Variants in DNAJB6 observed in about 807,000 individuals in gnomAD.
The protein encoded by DNAJB6 is DnaJ heat shock protein family (Hsp40) member B6.
Under a neutral mutation model 42.7 loss-of-function variants are expected in DNAJB6, and 16 were observed. The ratio of observed to expected loss-of-function variants is 0.37; its 90% confidence interval spans 0.25 to 0.57. The LOEUF (loss-of-function observed/expected upper bound fraction) is 0.57. Among genes scored for constraint, DNAJB6 ranks in the 20% least tolerant of loss-of-function variants. The pLI is 0.74. For missense variants in DNAJB6, 347 were observed against 416.8 expected, an observed-to-expected ratio of 0.83 and a Z score of 1.46; for synonymous variants, 170 against 163.5, an observed-to-expected ratio of 1.04 and a Z score of -0.30.
chr7:157,405,033 C>A (rs1242374904), intron 8 of DNAJB6, among the ~76,000 whole-genome samples: 1 of 152,224 alleles, frequency 6.6e-6, no homozygotes, highest in Admixed American at 6.5e-5. Context: ...CTGATGGAAT[C>A]CTCAGAACTG....
intron 1 of DNAJB6, among the ~76,000 whole-genome samples, chr7:157,352,294 ACTCTG>A (rs1799026177): frequency 6.6e-6 from 1 of 151,386 alleles, no homozygotes; most frequent in African/African-American, 2.4e-5. Flanking sequence ...GTGCTACTCT[ACTCTG>A]GCGACAGAGC....
chr7:157,340,997 T>TGCGCGTGTGCGC lies in DNAJB6; in HGVS notation c.-27+3858_-27+3859insTGTGCGCGCGCG, dbSNP rs1554450154. 5.3e-3 allele frequency among the ~76,000 whole-genome samples: 623 copies of TGCGCGTGTGCGC among 118,398 alleles called. 4 individuals carry two copies. Among genetic ancestry groups the TGCGCGTGTGCGC allele is most frequent in the African/African-American group, 0.017 (609 of 35,276 alleles). 77.7% of individuals were successfully genotyped at this position (118,398 alleles called of 152,430 possible). ...GTGTGTGTGTGTGTGTGTGTGTGTG[T>TGCGCGTGTGCGC]GCGCGCGCGCAGGTGGAATCACCCT... On this transcript the variant is annotated intron_variant, in intron 1 of 9. Transcript: ENST00000262177.
At chr7:157,379,419 G>A (rs976337236) in intron 5 of DNAJB6, 3 of 152,194 alleles carry the variant, frequency 2.0e-5, no homozygotes, top group Non-Finnish European at 4.4e-5. Context: ...TTGGCTTAGG[G>A]ACTCAGGTAT....
intron 2 of DNAJB6, among the ~76,000 whole-genome samples, chr7:157,362,894 T>TG (rs1371035869): frequency 6.6e-6 from 1 of 152,182 alleles, no homozygotes; most frequent in East Asian, 1.9e-4. Context: ...ACTGTAGCCT[T>TG]GAACTCCTGG....
chr7:157,406,837 CG>C (rs1268080661), intron 8 of DNAJB6, among the ~76,000 whole-genome samples: 19 of 152,214 alleles, frequency 1.2e-4, no homozygotes, highest in Non-Finnish European at 2.2e-4. Flanking sequence ...TAAGTCTCAG[CG>C]GGGCCTTTTT....
intron 3 of DNAJB6, 100 bp from the exon 4 acceptor site, chr7:157,366,401 TA>T: frequency 9.0e-7 from 1 of 1,107,996 alleles, no homozygotes; most frequent in Non-Finnish European, 1.3e-6. Flanking sequence ...AATTCAGTTG[TA>T]AAACATCGAA....
intron 8 of DNAJB6, among the ~76,000 whole-genome samples, chr7:157,399,112 T>G (rs1173045151): frequency 1.3e-5 from 2 of 151,856 alleles, no homozygotes; most frequent in African/African-American, 4.9e-5. Flanking sequence ...TTGTGAGAAG[T>G]TGAGTTGTTT....
rs1245183106 is a variant in DNAJB6 at position 157,416,841 on chromosome 7, C to T, written c.*743C>T. ...TTAGGGCCATGCTGGGGAAAACGGG[C>T]CGGTATTTACACACGCGCAAAACAC... On this transcript the variant is annotated 3_prime_UTR_variant, in exon 10 of 10. Coordinates refer to ENST00000262177, the MANE Select transcript of DNAJB6 (RefSeq NM_058246.4). 6.6e-6 allele frequency: 1 copy of T among 152,124 alleles called. No individual in the cohort carries two copies. The highest frequency in any genetic ancestry group is 2.4e-5 in the African/African-American group (1 of 41,426). 9.4% of individuals were successfully genotyped at this position (152,124 alleles called of 1,614,324 possible).
chr7:157,361,551 T>G lies in DNAJB6; in HGVS notation c.66-1610T>G, dbSNP rs78289000. ...GATTTTAGTATGGTTAAGCCAAGGT[T>G]TTGTTGAACATGTTGTAAGTTAAAT... On this transcript the variant is annotated intron_variant, in intron 2 of 9. Transcript: ENST00000262177. 4.6e-3 allele frequency among the ~76,000 whole-genome samples: 706 copies of G among 152,280 alleles called. 5 individuals carry two copies. The highest frequency in any genetic ancestry group is 0.016 in the African/African-American group (668 of 41,556).
At chr7:157,392,445 G>T (rs1801394427) in intron 8 of DNAJB6, among the ~76,000 whole-genome samples, 1 of 150,998 alleles carries the variant, frequency 6.6e-6, no homozygotes, top group Non-Finnish European at 1.5e-5. Flanking sequence ...GTGTGTGCGT[G>T]CGTGTGCCTG....
chr7:157,363,922 A>G (rs1563123526), intron 3 of DNAJB6, among the ~76,000 whole-genome samples: 1 of 152,058 alleles, frequency 6.6e-6, no homozygotes, highest in Non-Finnish European at 1.5e-5. Flanking sequence ...GTGGGGGAAC[A>G]GTGACAGAAC....
chr7:157,346,902 C>T (rs1798717268), intron 1 of DNAJB6, among the ~76,000 whole-genome samples: 1 of 152,230 alleles, frequency 6.6e-6, no homozygotes, highest in Non-Finnish European at 1.5e-5. Flanking sequence ...GTCGCCCAGG[C>T]TGCAGTGCAG....
chr7:157,352,127 C>CGAGACCA (rs1223690546), intron 1 of DNAJB6, among the ~76,000 whole-genome samples: 2 of 151,354 alleles, frequency 1.3e-5, no homozygotes, highest in African/African-American at 2.4e-5. Context: ...GTCAGGAGAT[C>CGAGACCA]GAGACCATCC....
intron 5 of DNAJB6, among the ~76,000 whole-genome samples, chr7:157,370,103 GCC>G (rs1345808591): frequency 1.4e-5 from 2 of 147,230 alleles, no homozygotes; most frequent in African/African-American, 5.1e-5. Context: ...TATTAAACAG[GCC>G]CCTTCTTAAC....
At chr7:157,381,777 G>GTGTGCGC (rs1563136627) in intron 5 of DNAJB6, 1 of 77,046 alleles carries the variant, frequency 1.3e-5, no homozygotes, top group African/African-American at 4.1e-5. Context: ...TGTGTGTGTG[G>GTGTGCGC]GCGCGCGCAT....
intron 1 of DNAJB6, among the ~76,000 whole-genome samples, chr7:157,351,676 A>C (rs1798987295): frequency 6.6e-6 from 1 of 150,788 alleles, no homozygotes; most frequent in Non-Finnish European, 1.5e-5. Flanking sequence ...AAAACCACAA[A>C]ACTTGTTTGG....
At chr7:157,352,883 T>G (rs1371484332) in intron 1 of DNAJB6, among the ~76,000 whole-genome samples, 2 of 152,098 alleles carry the variant, frequency 1.3e-5, no homozygotes, top group African/African-American at 4.8e-5. Flanking sequence ...CCAGTTCCAC[T>G]TCCAAGTTCC....
At chr7:157,342,314 C>G (rs896317790) in intron 1 of DNAJB6, among the ~76,000 whole-genome samples, 2 of 146,924 alleles carry the variant, frequency 1.4e-5, no homozygotes, top group Non-Finnish European at 3.0e-5. Context: ...ATTACAGGCA[C>G]GTGCCACTAT....
chr7:157,401,777 G>C (rs766760238), intron 8 of DNAJB6, among the ~76,000 whole-genome samples: 4 of 152,232 alleles, frequency 2.6e-5, no homozygotes, highest in Non-Finnish European at 5.9e-5. Flanking sequence ...GGTGGGAACA[G>C]GACCGAGGCG....
Sources: allele counts gnomAD v4.1 joint callset (sites outside exome capture counted in the v4.1 genomes callset), GRCh38; gene constraint gnomAD v4.1.1; transcripts MANE v1.5; gene names NCBI Gene and HGNC (gene_info 2026-07-23, HGNC 2026-07-21).